The following TTN variants were observed in gnomAD, a reference collection of about 807,000 sequenced individuals.
TTN encodes the protein connectin.
TTN carries 1,525 observed loss-of-function variants against 3,223.0 expected under a neutral mutation model. That is an observed-to-expected ratio of 0.47 (90% CI 0.45 to 0.49). TTN has a LOEUF of 0.49. Among genes scored for constraint, TTN ranks in the 20% least tolerant of loss-of-function variants. The pLI is 0.00. For synonymous variants in TTN, 14,094 were observed against 15,161.0 expected (o/e 0.93, Z 5.17); for missense variants, 40,786 against 43,424.0 (o/e 0.94, Z 5.40).
At position 178,664,820 on chromosome 2, in the gene TTN, G is replaced by C. The variant is rs1387360793; in HGVS notation, c.36118+32C>G. 1.9e-6 allele frequency: 3 copies of C among 1,610,594 alleles called. No homozygotes were observed. The Admixed American group carries it at 5.0e-5, about 27-fold the overall frequency. ...AATATTCTCAAAACTACAAGAGCTA[G>C]TTCTTGACCCTGAGAGCATGGTGAC... On this transcript the variant is annotated intron_variant, in intron 166 of 362. Transcript: ENST00000589042.
rs2070153283 is a variant in TTN at position 178,684,026 on chromosome 2, T to C, written c.32779A>G (p.Lys10927Glu). 2 of 1,611,542 alleles carry C rather than the reference T, an allele frequency of 1.2e-6. No homozygotes were observed. The highest frequency in any genetic ancestry group is 1.7e-6 in the Non-Finnish European group (2 of 1,178,864). ...TTAGCTGGTGGTTCCTCCTCTCTTT[T>C]AGGTTTGAGTTTCAGAACTTTTTCT... is the stretch of plus-strand genomic sequence containing the variant. ...PEEKVLKLKP[K>E]REEEPPAKVT... The change falls in exon 133 of 363, where the codon AAA becomes GAA. Residue 10927 changes from lysine to glutamate, a missense_variant. Coordinates refer to ENST00000589042, the MANE Select transcript of TTN (RefSeq NM_001267550.2).
Position 178,799,537 on chromosome 2 carries a change from G to A in TTN, c.864C>T (p.His288=), listed in dbSNP as rs772543040. The A allele has an allele frequency of 1.1e-5, 17 of 1,614,090 alleles. No individual in the cohort carries two copies. Among genetic ancestry groups the A allele is most frequent in the Admixed American group, 1.0e-4 (6 of 60,012 alleles). ...GCACGTGTCTGACCGGGGAAGGGGA[G>A]TGTCTTATGGGCGATGGGGACTGCT... is the stretch of plus-strand genomic sequence containing the variant. ...ARQQSPSPIR[H]SPSPVRHVRA... is the part of the protein sequence containing the mutation. The change falls in exon 6 of 363, where the codon CAC becomes CAT. Residue 288 remains histidine, a synonymous_variant. Coordinates refer to ENST00000589042, the MANE Select transcript of TTN (RefSeq NM_001267550.2).
Position 178,558,374 on chromosome 2 carries a change from GCT to G in TTN, c.87083_87084del (p.Glu29028AlafsTer8). The G allele has an allele frequency of 6.2e-7, 1 of 1,613,496 alleles. No homozygotes were observed. The highest frequency in any genetic ancestry group is 8.5e-7 in the Non-Finnish European group (1 of 1,179,736). On this transcript the variant is annotated frameshift_variant, in exon 327 of 363. Coordinates refer to ENST00000589042, the MANE Select transcript of TTN (RefSeq NM_001267550.2). LOFTEE classifies it high-confidence loss of function. ...ENQAGLSDPR[E>X]LLLPVLIKEQ... ...TCCTTAATAAGAACAGGAAGCAGAAGCTCTCTCGGGTCACTCAGGCCAGCTTG... is the reference window on the plus strand; with the variant it reads ...TCCTTAATAAGAACAGGAAGCAGAAGCTCTCGGGTCACTCAGGCCAGCTTG...
In TTN at chr2:178,588,904, C is replaced by T. The variant is rs1480131306; in HGVS notation, c.62821G>A (p.Glu20941Lys). ...GGAGGCCCTGTGCCTATTTTATTTT[C>T]TGCACGGACTCTGAAAATATATTCA... ...GNEYIFRVRA[E>K]NKIGTGPPTE... The change falls in exon 304 of 363, where the codon GAA becomes AAA. Residue 20941 changes from glutamate (E) to lysine (K), a missense_variant. Glu to Lys is a moderately conservative substitution (Grantham distance 56). Coordinates refer to ENST00000589042, the MANE Select transcript of TTN (RefSeq NM_001267550.2). 6.2e-7 allele frequency: 1 copy of T among 1,613,068 alleles called. No homozygotes were observed. The highest frequency in any genetic ancestry group is 1.1e-5 in the South Asian group (1 of 91,066).
At chr2:178,554,786 C>T (rs753967741) in intron 331 of TTN, 34 bp from the exon 332 acceptor site, 4 of 1,612,368 alleles carry the variant, frequency 2.5e-6, no homozygotes, top group Admixed American at 3.4e-5. Flanking sequence ...GATGTTAGTA[C>T]TTCTTTAAAG....
In TTN at chr2:178,592,726, A is replaced by G. The variant is rs374280214; in HGVS notation, c.59344+49T>C. 22 of 1,612,294 alleles carry G rather than the reference A, an allele frequency of 1.4e-5. No individual in the cohort carries two copies. The African/African-American group carries it at 2.7e-4, about 20-fold the overall frequency. On this transcript the variant is annotated intron_variant, in intron 300 of 362. Transcript: ENST00000589042. ...TGCAGATTACAATTAAACACATACA[A>G]TCAGACATCTATTTTCCTTGCAAAC...
intron 281 of TTN, 151 bp downstream of exon 281, chr2:178,604,557 G>T: frequency 1.1e-6 from 1 of 871,950 alleles, no homozygotes. Context: ...GGAGCCTTAT[G>T]TGTGTGGGGC....
intron 22 of TTN, 115 bp downstream of exon 22, chr2:178,779,885 G>A (rs1479102181): frequency 6.9e-6 from 7 of 1,007,840 alleles, no homozygotes; most frequent in Non-Finnish European, 8.9e-6. Context: ...AGTGAACTTG[G>A]ACCTTCTAAT....
At position 178,555,167 on chromosome 2, in the gene TTN, G is replaced by A. The variant is rs727505307; in HGVS notation, c.88307-15C>T. On this transcript the variant is annotated splice_polypyrimidine_tract_variant and intron_variant, in intron 330 of 362. Transcript: ENST00000589042. ...TACAGGACCACCTGCAAGAAAAACA[G>A]ATGAGAAATATTTAAAATATTATAA... The A allele has an allele frequency of 3.8e-5, 61 of 1,590,968 alleles. No individual in the cohort carries two copies. The highest frequency in any genetic ancestry group is 1.7e-4 in the Middle Eastern group (1 of 6,004).
intron 3 of TTN, among the ~76,000 whole-genome samples, chr2:178,801,860 T>C (rs919662944): frequency 5.9e-5 from 9 of 152,228 alleles, no homozygotes; most frequent in Non-Finnish European, 1.3e-4. Flanking sequence ...TTCTACTTGC[T>C]GAGAAACATG....
At chr2:178,619,529 A>G (rs2057951777) in intron 250 of TTN, 92 bp downstream of exon 250, 1 of 1,491,242 alleles carries the variant, frequency 6.7e-7, no homozygotes, top group Admixed American at 2.2e-5. Flanking sequence ...GAAATGAAAG[A>G]CCCTCACAAG....
rs794729390 is a variant in TTN, at chr2:178,621,503, A to AGAGCT, written c.45316_45320dup (p.Arg15108AlafsTer71). On this transcript the variant is annotated frameshift_variant, in exon 245 of 363. Transcript: ENST00000589042. LOFTEE classifies it high-confidence loss of function. ...GTACTTTGACTTTGCCATCGGTTCGAGAGCTTGGGAGTCGACAGTTGTAGT... is the reference window on the plus strand; with the variant it reads ...GTACTTTGACTTTGCCATCGGTTCGAGAGCTGAGCTTGGGAGTCGACAGTTGTAGT... The AGAGCT allele has an allele frequency of 6.2e-7, 1 of 1,612,410 alleles. No homozygotes were observed. The highest frequency in any genetic ancestry group is 8.5e-7 in the Non-Finnish European group (1 of 1,179,090).
At chr2:178,804,431 T>C (rs969749701) in intron 2 of TTN, 121 bp downstream of exon 2, 4 of 890,542 alleles carry the variant, frequency 4.5e-6, no homozygotes, top group African/African-American at 1.6e-5. Context: ...TTCCATAGTG[T>C]TGGACTAATT....
intron 198 of TTN, 47 bp downstream of exon 198, chr2:178,653,191 C>G (rs780939316): frequency 6.2e-7 from 1 of 1,609,198 alleles, no homozygotes; most frequent in African/African-American, 1.4e-5. Context: ...ATGTCTTCAA[C>G]TGCAAAAGAA....
Position 178,549,785 on chromosome 2 carries a change from T to C in TTN, c.91937A>G (p.Asn30646Ser), listed in dbSNP as rs72648245. 4.1e-4 allele frequency: 664 copies of C among 1,612,010 alleles called. 1 individual carries two copies. The African/African-American group carries it at 6.2e-3, about 15-fold the overall frequency. Residue 30646 changes from asparagine to serine, a missense_variant, in exon 338 of 363, where the codon AAT (asparagine) becomes AGT (serine). Asn to Ser is a conservative substitution (Grantham distance 46). Transcript: ENST00000589042. ...KMTLWWDAPL[N>S]DGCAPITHYI... Reference sequence around the variant, plus strand: ...GTGGGTTATGGGAGCACAACCGTCATTGAGTGGGGCATCCCACCACAGAGT... The same window carrying C: ...GTGGGTTATGGGAGCACAACCGTCACTGAGTGGGGCATCCCACCACAGAGT...
intron 112 of TTN, among the ~76,000 whole-genome samples, chr2:178,697,572 G>A (rs941045854): frequency 2.6e-4 from 40 of 152,066 alleles, no homozygotes; most frequent in Non-Finnish European, 4.6e-4. Context: ...TGCTTTTTGA[G>A]TGTCCTCTTA....
At chr2:178,793,274 A>C (rs1346609085) in intron 9 of TTN, 130 bp downstream of exon 9, 19 of 1,379,954 alleles carry the variant, frequency 1.4e-5, no homozygotes, top group Non-Finnish European at 1.9e-5. Flanking sequence ...TTACACATAC[A>C]ACAAGGGGAT....
At position 178,620,443 on chromosome 2, in the gene TTN, T is replaced by C. The variant is rs758542642; in HGVS notation, c.46078A>G (p.Ile15360Val). 6.2e-7 allele frequency: 1 copy of C among 1,612,358 alleles called. No homozygotes were observed. The highest frequency in any genetic ancestry group is 1.7e-5 in the Admixed American group (1 of 59,876). ...TCATCTGGGAAGCCACAGTCTTTAA[T>C]GGTTAACATGTGCTTGTACTTATCA... Reference protein sequence around the residue: ...RVDKYKHMLTIKDCGFPDEGE... With the variant: ...RVDKYKHMLTVKDCGFPDEGE... The change falls in exon 248 of 363, where the codon ATT becomes GTT. Residue 15360 changes from isoleucine to valine, a missense_variant. Transcript: ENST00000589042.
At position 178,778,974 on chromosome 2, in the gene TTN, T is replaced by C. The variant is rs1453568535; in HGVS notation, c.4108A>G (p.Lys1370Glu). 2 of 1,614,012 alleles carry C rather than the reference T, an allele frequency of 1.2e-6. No homozygotes were observed. ...GIYTAFASNI[K>E]GNAICSGKLY... ...TTCCCTGAGCAAATTGCATTTCCTT[T>C]AATATTGCTGGCAAATGCAGTGTAG... The change falls in exon 24 of 363, where the codon AAA (lysine) becomes GAA (glutamate). Residue 1370 changes from lysine (K) to glutamate (E), a missense_variant. By Grantham distance (56) the Lys-to-Glu change is moderately conservative (BLOSUM62 1). Transcript: ENST00000589042.
Sources: allele counts gnomAD v4.1 joint callset (sites outside exome capture counted in the v4.1 genomes callset), GRCh38; gene constraint gnomAD v4.1.1; transcripts MANE v1.5; gene names NCBI Gene and HGNC (gene_info 2026-07-23, HGNC 2026-07-21).